The following WDFY4 variants were observed in gnomAD, a reference collection of about 807,000 sequenced individuals.
WDFY4 encodes WD repeat- and FYVE domain-containing protein 4.
Under a neutral mutation model 351.9 loss-of-function variants are expected in WDFY4, and 169 were observed. The ratio of observed to expected loss-of-function variants is 0.48; its 90% CI spans 0.42 to 0.55. The LOEUF is 0.55. WDFY4 is among the 20% of genes least tolerant of loss of function. The pLI is 0.00. For missense variants in WDFY4, 3,803 were observed against 3,935.6 expected, an observed-to-expected ratio of 0.97 and a Z score of 0.90; for synonymous variants, 1,622 against 1,574.6, an observed-to-expected ratio of 1.03 and a Z score of -0.71.
chr10:48,923,489 G>A lies in WDFY4; in HGVS notation c.7587-18317G>A, dbSNP rs2133604453. 3.6e-5 allele frequency among the ~76,000 whole-genome samples: 2 copies of A among 55,710 alleles called. 1 individual carries two copies. Among genetic ancestry groups the A allele is most frequent in the African/African-American group, 1.0e-4 (2 of 19,412 alleles). The allele number at this position is 55,710 out of a possible 152,430, so 36.5% of individuals were successfully genotyped here. ...TTGAGCTTCAGGTAAACAACAAATA[G>A]TTTTTAGTATATATATATATATATG... On this transcript the variant is annotated intron_variant, in intron 47 of 61. Coordinates refer to ENST00000325239, the MANE Select transcript of WDFY4 (RefSeq NM_001394531.1).
intron 19 of WDFY4, among the ~76,000 whole-genome samples, chr10:48,784,850 CTTTT>C (rs1255134626): frequency 1.2e-5 from 1 of 80,670 alleles, no homozygotes; most frequent in Non-Finnish European, 2.4e-5. Flanking sequence ...GCATCGTTTA[CTTTT>C]TTTTTTTTTT....
At chr10:48,720,189 A>T (rs888049154) in intron 3 of WDFY4, 64 bp downstream of exon 3, 1 of 1,457,650 alleles carries the variant, frequency 6.9e-7, no homozygotes. Flanking sequence ...ATGCCCTCCC[A>T]GGCCTCTCAG....
chr10:48,919,454 A>G (rs1838856695), intron 47 of WDFY4, among the ~76,000 whole-genome samples: 1 of 152,238 alleles, frequency 6.6e-6, no homozygotes, highest in Admixed American at 6.5e-5. Flanking sequence ...TCTATCAAAC[A>G]TTTAAAGAAG....
At chr10:48,946,243 C>T in intron 50 of WDFY4, 86 bp downstream of exon 50, 1 of 1,054,060 alleles carries the variant, frequency 9.5e-7, no homozygotes, top group South Asian at 1.5e-5. Context: ...AGGTGGTCAC[C>T]TAGCCTACAA....
chr10:48,775,949 A>C lies in WDFY4; in HGVS notation c.2863+143A>C, dbSNP rs935140446. On this transcript the variant is annotated intron_variant, in intron 15 of 61. Coordinates refer to ENST00000325239, the MANE Select transcript of WDFY4 (RefSeq NM_001394531.1). The stretch of plus-strand genomic sequence containing the variant: ...TGCTGCTCAATGCAGCAACTGAGGA[A>C]AAAGCAAAGAAATTCCTGGTCTCTG... 1.4e-5 allele frequency: 10 copies of C among 719,918 alleles called. No homozygotes were observed. In the African/African-American group the frequency reaches 1.8e-4, roughly 13 times the overall value. 44.6% of individuals were successfully genotyped at this position (719,918 alleles called of 1,614,324 possible). A position where few individuals can be genotyped will look rare whatever the true frequency, so the allele number is the denominator to read the frequency against.
chr10:48,840,529 C>A (rs528953147), intron 39 of WDFY4, among the ~76,000 whole-genome samples: 1,590 of 151,740 alleles, frequency 0.01, 27 homozygotes, highest in African/African-American at 0.036. Context: ...ACACCCCCAC[C>A]CACACACACA....
intron 1 of WDFY4, among the ~76,000 whole-genome samples, chr10:48,696,840 A>G (rs1353129416): frequency 6.6e-6 from 1 of 152,268 alleles, no homozygotes; most frequent in Non-Finnish European, 1.5e-5. Flanking sequence ...ACACCCTCTC[A>G]CATATGTTGG....
intron 16 of WDFY4, 81 bp downstream of exon 16, chr10:48,777,065 C>T (rs10857636): frequency 0.055 from 78,419 of 1,420,572 alleles, 2,332 homozygotes; most frequent in Middle Eastern, 0.069. Flanking sequence ...TGATTGCAAA[C>T]TTGTAGTTCC....
intron 58 of WDFY4, among the ~76,000 whole-genome samples, chr10:48,975,422 C>T (rs1842525048): frequency 6.6e-6 from 1 of 152,192 alleles, no homozygotes; most frequent in Admixed American, 6.5e-5. Context: ...TTCTCTGCCT[C>T]TCCTTCCATA....
At chr10:48,742,144 A>G (rs2064870937) in intron 11 of WDFY4, among the ~76,000 whole-genome samples, 1 of 152,130 alleles carries the variant, frequency 6.6e-6, no homozygotes, top group Admixed American at 6.5e-5. Flanking sequence ...TGCTCAAGAA[A>G]GGTTTGATTT....
chr10:48,778,113 C>G (rs1034269836), intron 17 of WDFY4, among the ~76,000 whole-genome samples: 4 of 152,076 alleles, frequency 2.6e-5, no homozygotes, highest in Non-Finnish European at 5.9e-5. Context: ...GCCACACGCT[C>G]TGTTAGGAGA....
At chr10:48,732,365 C>T (rs72789206) in intron 9 of WDFY4, among the ~76,000 whole-genome samples, 3 of 152,278 alleles carry the variant, frequency 2.0e-5, no homozygotes, top group Non-Finnish European at 4.4e-5. Context: ...GGGAAATCAG[C>T]CTGGAAGAGG....
intron 2 of WDFY4, among the ~76,000 whole-genome samples, chr10:48,716,325 ATTC>A (rs1184959921): frequency 1.3e-5 from 2 of 152,124 alleles, no homozygotes; most frequent in African/African-American, 4.8e-5. Flanking sequence ...GAGCTTAGCC[ATTC>A]TTTATTTTCC....
intron 13 of WDFY4, among the ~76,000 whole-genome samples, chr10:48,772,724 G>A (rs1373943114): frequency 1.4e-5 from 2 of 147,212 alleles, no homozygotes; most frequent in Non-Finnish European, 1.5e-5. Flanking sequence ...AGTCCCCAGA[G>A]TGTGCTATTC....
intron 24 of WDFY4, among the ~76,000 whole-genome samples, chr10:48,796,921 GATCAACCCATTC>G (rs1441614040): frequency 6.6e-6 from 1 of 152,152 alleles, no homozygotes; most frequent in Admixed American, 6.5e-5. Context: ...GCTGTGGGTG[GATCAACCCATTC>G]ATGAAGCATC....
At chr10:48,767,611 T>A (rs2065713193) in intron 13 of WDFY4, among the ~76,000 whole-genome samples, 1 of 152,154 alleles carries the variant, frequency 6.6e-6, no homozygotes, top group Middle Eastern at 3.4e-3. Context: ...CAGTTAGTCA[T>A]CAGATGTTAA....
intron 33 of WDFY4, 35 bp from the exon 34 acceptor site, chr10:48,821,027 G>A: frequency 6.7e-7 from 1 of 1,484,424 alleles, no homozygotes; most frequent in Non-Finnish European, 9.2e-7. Context: ...CGATGGCCCT[G>A]TGGTTGCTGT....
At chr10:48,729,305 G>C (rs1223070044) in intron 7 of WDFY4, 127 bp from the exon 8 acceptor site, 1 of 1,382,898 alleles carries the variant, frequency 7.2e-7, no homozygotes, top group South Asian at 1.5e-5. Flanking sequence ...ATTGCCTCAG[G>C]TGCAGACCTG....
intron 43 of WDFY4, among the ~76,000 whole-genome samples, chr10:48,879,621 G>T (rs930481870): frequency 5.3e-5 from 8 of 152,216 alleles, no homozygotes; most frequent in Admixed American, 2.6e-4. Context: ...GCCTCAGATG[G>T]CTGCAGCCAA....
Sources: allele counts gnomAD v4.1 joint callset (sites outside exome capture counted in the v4.1 genomes callset), GRCh38; gene constraint gnomAD v4.1.1; transcripts MANE v1.5; gene names NCBI Gene and HGNC (gene_info 2026-07-23, HGNC 2026-07-21).